The following TPO variants were observed in gnomAD, a reference collection of about 807,000 sequenced individuals.
The protein encoded by TPO is thyroid peroxidase, also known as thyroid microsomal antigen.
TPO carries 78 observed loss-of-function variants against 96.9 expected under a neutral mutation model. The ratio of observed to expected loss-of-function variants is 0.81; its 90% CI spans 0.67 to 0.97. The LOEUF (loss-of-function observed/expected upper bound fraction) is 0.97, where lower values mean the gene tolerates loss of function less well. Ranked by LOEUF, TPO falls within the 50% of genes least tolerant of loss-of-function variation. TPO has a pLI of 0.00. For missense variants in TPO, 1,252 were observed against 1,274.8 expected (o/e 0.98, Z 0.27); for synonymous variants, 547 against 538.0 (o/e 1.02, Z -0.23).
chr2:1,493,218 G>GGC (rs1191653422), intron 10 of TPO, among the ~76,000 whole-genome samples: 1 of 106,366 alleles, frequency 9.4e-6, no homozygotes. Context: ...GTGGGGGGGG[G>GGC]GGTGCTGGCT....
intron 1 of TPO, among the ~76,000 whole-genome samples, chr2:1,404,108 G>T (rs1258123218): frequency 6.6e-6 from 1 of 152,198 alleles, no homozygotes; most frequent in Non-Finnish European, 1.5e-5. Flanking sequence ...GGTAAAACCC[G>T]TGTTGTATGT....
intron 1 of TPO, among the ~76,000 whole-genome samples, chr2:1,378,603 C>T (rs140298304): frequency 2.2e-4 from 34 of 152,318 alleles, no homozygotes; most frequent in Non-Finnish European, 3.7e-4. Flanking sequence ...TGCCCAGGCT[C>T]GGCCAGGGCT....
intron 3 of TPO, among the ~76,000 whole-genome samples, chr2:1,427,403 C>A (rs995327390): frequency 2.0e-5 from 3 of 152,206 alleles, no homozygotes; most frequent in African/African-American, 7.2e-5. Flanking sequence ...CAGCCAGACC[C>A]TGTGAGGGAG....
intron 15 of TPO, among the ~76,000 whole-genome samples, chr2:1,539,548 C>T (rs528227813): frequency 2.0e-5 from 3 of 152,264 alleles, no homozygotes; most frequent in Non-Finnish European, 2.9e-5. Context: ...TCCATGTACA[C>T]CTAGGTCGGA....
At chr2:1,419,722 G>A (rs1428423543) in intron 2 of TPO, among the ~76,000 whole-genome samples, 1 of 152,148 alleles carries the variant, frequency 6.6e-6, no homozygotes, top group Admixed American at 6.5e-5. Flanking sequence ...GCAGCTTCTT[G>A]GAAAATGATT....
chr2:1,446,412 A>G (rs533456693), intron 5 of TPO, among the ~76,000 whole-genome samples: 37 of 152,252 alleles, frequency 2.4e-4, no homozygotes, highest in Admixed American at 7.2e-4. Flanking sequence ...GGCTGCTCCA[A>G]TCTGCATTCC....
intron 2 of TPO, 83 bp from the exon 3 acceptor site, chr2:1,422,962 A>G: frequency 1.3e-6 from 2 of 1,494,582 alleles, no homozygotes; most frequent in Non-Finnish European, 9.3e-7. Context: ...CCGCAGCAAG[A>G]TGGGCTTGAG....
chr2:1,536,771 TG>T (rs1321748358), intron 15 of TPO, among the ~76,000 whole-genome samples: 1 of 81,068 alleles, frequency 1.2e-5, no homozygotes. Flanking sequence ...CATCACTCTG[TG>T]TAATCTCCCC....
At chr2:1,538,608 G>GGAAAGTCTTTTTTC (rs2125339135) in intron 15 of TPO, among the ~76,000 whole-genome samples, 1 of 152,244 alleles carries the variant, frequency 6.6e-6, no homozygotes, top group East Asian at 1.9e-4. Flanking sequence ...CATAAAATGG[G>GGAAAGTCTTTTTTC]GAAAGTCTTT....
At chr2:1,503,862 G>A in intron 13 of TPO, 86 bp from the exon 14 acceptor site, 2 of 1,610,732 alleles carry the variant, frequency 1.2e-6, no homozygotes, top group Non-Finnish European at 1.7e-6. Flanking sequence ...TCCCCAGAGA[G>A]AAGCACCTCC....
Position 1,539,417 on chromosome 2 carries a change from G to A in TPO, c.2619-1177G>A, listed in dbSNP as rs4927630. 7.9e-3 allele frequency among the ~76,000 whole-genome samples: 1,204 copies of A among 152,278 alleles called. 67 individuals carry two copies. In the East Asian group the frequency reaches 0.15, roughly 19 times the overall value. On this transcript the variant is annotated intron_variant, in intron 15 of 16. Transcript: ENST00000329066. The stretch of plus-strand genomic sequence containing the variant: ...CCCCCCTCGGTGATCAGGCTGAAGC[G>A]ATGACTAAATGCCATTTGCTCCTAA...
chr2:1,494,366 C>T (rs544010222), intron 11 of TPO, among the ~76,000 whole-genome samples: 6 of 152,364 alleles, frequency 3.9e-5, no homozygotes, highest in African/African-American at 7.2e-5. Context: ...CCATCCCTCA[C>T]GTCCCATGAC....
intron 11 of TPO, among the ~76,000 whole-genome samples, chr2:1,494,839 C>T (rs908230850): frequency 4.6e-5 from 7 of 152,204 alleles, no homozygotes; most frequent in Non-Finnish European, 1.0e-4. Flanking sequence ...CCAGAGAGTG[C>T]ACCTGCCACA....
intron 3 of TPO, among the ~76,000 whole-genome samples, chr2:1,427,303 G>A (rs1664514505): frequency 6.6e-6 from 1 of 152,238 alleles, no homozygotes; most frequent in South Asian, 2.1e-4. Context: ...AGTGCAGTGT[G>A]TTCTGAAGGA....
intron 14 of TPO, among the ~76,000 whole-genome samples, chr2:1,507,725 C>T (rs1673628334): frequency 6.6e-6 from 1 of 151,872 alleles, no homozygotes; most frequent in Non-Finnish European, 1.5e-5. Flanking sequence ...GATTTTTGTA[C>T]ATTGATTTTG....
intron 5 of TPO, among the ~76,000 whole-genome samples, chr2:1,451,510 G>A (rs1375901959): frequency 1.3e-5 from 2 of 152,106 alleles, no homozygotes; most frequent in Middle Eastern, 3.2e-3. Flanking sequence ...TCAGATACAT[G>A]GGAGGATTTT....
At chr2:1,526,493 C>A (rs1018979439) in intron 15 of TPO, among the ~76,000 whole-genome samples, 3 of 137,516 alleles carry the variant, frequency 2.2e-5, no homozygotes, top group African/African-American at 8.3e-5. Flanking sequence ...CTCAAGTCCG[C>A]CACTGTGTGC....
chr2:1,518,252 G>A (rs902098108), intron 15 of TPO, among the ~76,000 whole-genome samples: 2 of 152,192 alleles, frequency 1.3e-5, no homozygotes, highest in African/African-American at 2.4e-5. Context: ...TCAGTACACT[G>A]AGGAACATCT....
intron 3 of TPO, among the ~76,000 whole-genome samples, chr2:1,427,423 G>C (rs1395311640): frequency 1.3e-5 from 2 of 152,228 alleles, no homozygotes; most frequent in African/African-American, 4.8e-5. Flanking sequence ...GGCAGGCATT[G>C]TGTCTGGGCC....
Sources: allele counts gnomAD v4.1 joint callset (sites outside exome capture counted in the v4.1 genomes callset), GRCh38; gene constraint gnomAD v4.1.1; transcripts MANE v1.5; gene names NCBI Gene and HGNC (gene_info 2026-07-23, HGNC 2026-07-21).